The following FBXL7 variants were observed in gnomAD, a reference collection of about 807,000 sequenced individuals.
FBXL7 encodes F-box/LRR-repeat protein 7.
FBXL7 carries 12 observed loss-of-function variants against 38.3 expected under a neutral mutation model. The ratio of observed to expected loss-of-function variants is 0.31; its 90% CI spans 0.20 to 0.51. The LOEUF (loss-of-function observed/expected upper bound fraction) is 0.51, where lower values mean the gene tolerates loss of function less well. Ranked by LOEUF, FBXL7 falls within the 20% of genes least tolerant of loss-of-function variation. The pLI is 0.98. For synonymous variants in FBXL7, 297 were observed against 300.9 expected (o/e 0.99, Z 0.13); for missense variants, 567 against 676.4 (o/e 0.84, Z 1.79).
At chr5:15,534,228 C>A (rs149027957) in intron 1 of FBXL7, among the ~76,000 whole-genome samples, 1 of 152,284 alleles carries the variant, frequency 6.6e-6, no homozygotes, top group African/African-American at 2.4e-5. Context: ...TGGTGATATA[C>A]ATTCTATGGG....
chr5:15,530,887 C>G (rs191006946), intron 1 of FBXL7, among the ~76,000 whole-genome samples: 219 of 152,300 alleles, frequency 1.4e-3, no homozygotes, highest in African/African-American at 5.1e-3. Flanking sequence ...CCATGTAACA[C>G]CCGTAGAACT....
chr5:15,876,041 G>A (rs1161075191), intron 2 of FBXL7, among the ~76,000 whole-genome samples: 1 of 152,150 alleles, frequency 6.6e-6, no homozygotes, highest in Non-Finnish European at 1.5e-5. Context: ...AGAAAATGTG[G>A]CAAATATACA....
chr5:15,739,234 T>G (rs528117237), intron 2 of FBXL7, among the ~76,000 whole-genome samples: 2 of 152,308 alleles, frequency 1.3e-5, no homozygotes, highest in South Asian at 4.1e-4. Flanking sequence ...CTGCTGACTT[T>G]TAGCCACCTG....
chr5:15,622,238 C>T (rs1025965773), intron 2 of FBXL7, among the ~76,000 whole-genome samples: 1 of 151,412 alleles, frequency 6.6e-6, no homozygotes, highest in Non-Finnish European at 1.5e-5. Flanking sequence ...AATGCTTGGG[C>T]AGGACTTTTC....
intron 2 of FBXL7, among the ~76,000 whole-genome samples, chr5:15,839,045 T>A (rs1480925616): frequency 6.6e-6 from 1 of 152,116 alleles, no homozygotes; most frequent in Admixed American, 6.5e-5. Context: ...TCCTCTGCTA[T>A]GGACTGCTTC....
chr5:15,830,235 G>A (rs1221153709), intron 2 of FBXL7, among the ~76,000 whole-genome samples: 1 of 152,104 alleles, frequency 6.6e-6, no homozygotes, highest in African/African-American at 2.4e-5. Flanking sequence ...TGTAACCCCA[G>A]CACTTTGGGA....
intron 2 of FBXL7, among the ~76,000 whole-genome samples, chr5:15,770,112 G>A (rs914018868): frequency 5.9e-5 from 9 of 152,144 alleles, no homozygotes; most frequent in African/African-American, 1.9e-4. Flanking sequence ...GTTGATTGAC[G>A]GAGGGAGGAA....
At chr5:15,508,305 A>T (rs777259548) in intron 1 of FBXL7, among the ~76,000 whole-genome samples, 2 of 152,348 alleles carry the variant, frequency 1.3e-5, no homozygotes, top group East Asian at 3.9e-4. Context: ...GGGCTTTTGC[A>T]CTATGGTAAA....
intron 1 of FBXL7, among the ~76,000 whole-genome samples, chr5:15,596,079 A>G (rs2126486938): frequency 6.6e-6 from 1 of 152,308 alleles, no homozygotes; most frequent in Middle Eastern, 3.4e-3. Flanking sequence ...TACAGATATT[A>G]AGGGGTTTGT....
chr5:15,503,286 T>C (rs1166198767), intron 1 of FBXL7, among the ~76,000 whole-genome samples: 1 of 152,168 alleles, frequency 6.6e-6, no homozygotes, highest in Non-Finnish European at 1.5e-5. Flanking sequence ...CCAGGCGTGG[T>C]GGCGCATGCC....
Position 15,936,719 on chromosome 5 carries a change from G to C in FBXL7, c.1009G>C (p.Val337Leu). ...KELSVSDCRF[V>L]SDFGLREIAK... ...GCTGAGCGTCAGCGACTGCCGCTTCGTCAGCGACTTCGGCCTGCGGGAGAT... is the reference window on the plus strand; with the variant it reads ...GCTGAGCGTCAGCGACTGCCGCTTCCTCAGCGACTTCGGCCTGCGGGAGAT... Residue 337 changes from valine to leucine, a missense_variant, in exon 4 of 4, where the codon GTC becomes CTC. Coordinates refer to ENST00000504595, the MANE Select transcript of FBXL7 (RefSeq NM_012304.5). This position sits in a 1 kb window ranked among gnomAD's most constrained non-coding sequence, Gnocchi z 6.0. The C allele has an allele frequency of 2.5e-6, 4 of 1,608,608 alleles. No individual in the cohort carries two copies. The highest frequency in any genetic ancestry group is 3.4e-6 in the Non-Finnish European group (4 of 1,179,442).
intron 3 of FBXL7, among the ~76,000 whole-genome samples, chr5:15,929,738 G>C (rs1226437621): frequency 6.6e-6 from 1 of 152,022 alleles, no homozygotes; most frequent in Non-Finnish European, 1.5e-5. Context: ...TTAGGCGCCA[G>C]ACATGATCTG....
chr5:15,552,760 G>T (rs2459500), intron 1 of FBXL7, among the ~76,000 whole-genome samples: 7 of 152,000 alleles, frequency 4.6e-5, no homozygotes, highest in Non-Finnish European at 8.8e-5. Context: ...ACTCATCACC[G>T]ATCTTAGGAT....
chr5:15,539,251 G>A (rs12521185), intron 1 of FBXL7, among the ~76,000 whole-genome samples: 22,717 of 152,128 alleles, frequency 0.15, 2,342 homozygotes, highest in Admixed American at 0.3. Context: ...GTTAAGCTCC[G>A]ATGGCTGCAG....
At chr5:15,867,755 A>G (rs1739776604) in intron 2 of FBXL7, among the ~76,000 whole-genome samples, 1 of 152,174 alleles carries the variant, frequency 6.6e-6, no homozygotes. Context: ...CACAACAAAG[A>G]GGCAGGAAAG....
intron 2 of FBXL7, among the ~76,000 whole-genome samples, chr5:15,657,957 G>A (rs1741935142): frequency 6.6e-6 from 1 of 152,182 alleles, no homozygotes; most frequent in Non-Finnish European, 1.5e-5. Flanking sequence ...TAAGGTGGAA[G>A]CCGGAAATCC....
chr5:15,627,672 T>C (rs1189453134), intron 2 of FBXL7, among the ~76,000 whole-genome samples: 1 of 152,188 alleles, frequency 6.6e-6, no homozygotes, highest in Non-Finnish European at 1.5e-5. Context: ...GGGGAGGTTT[T>C]ACACTAAAGC....
chr5:15,601,761 C>G (rs1333631247), intron 1 of FBXL7, among the ~76,000 whole-genome samples: 1 of 152,104 alleles, frequency 6.6e-6, no homozygotes, highest in Non-Finnish European at 1.5e-5. Context: ...TTGAGAGACT[C>G]AGGGTAGGAT....
chr5:15,936,004 A>G lies in FBXL7; in HGVS notation c.740-446A>G, dbSNP rs1305228573. ...CTTTGGACCAGGGAGCTTCCAAACC[A>G]GGGCAGCTCAAGAACTCACTTTTAC... is the stretch of plus-strand genomic sequence containing the variant. On this transcript the variant is annotated intron_variant, in intron 3 of 3. Transcript: ENST00000504595. The surrounding 1 kb of genome is among the most constrained non-coding windows in gnomAD (Gnocchi z 6.0). Among the ~76,000 whole-genome samples the G allele has an allele frequency of 6.6e-6, 1 of 152,092 alleles. No individual in the cohort carries two copies. The highest frequency in any genetic ancestry group is 2.4e-5 in the African/African-American group (1 of 41,402).
Sources: gnomAD v4.1 joint callset for allele counts (sites outside exome capture counted in the v4.1 genomes callset) on GRCh38, gnomAD v4.1.1 for gene constraint, Gnocchi (gnomAD v3.1) non-coding constraint, MANE v1.5 for transcripts, NCBI Gene and HGNC (gene_info 2026-07-23, HGNC 2026-07-21) for gene names.